EIF4G3: variants seen among roughly 807,000 people sequenced by gnomAD.
EIF4G3 encodes eukaryotic translation initiation factor 4 gamma 3.
EIF4G3 carries 34 observed loss-of-function variants against 186.4 expected under a neutral mutation model. That is an observed-to-expected ratio of 0.18 (90% CI 0.14 to 0.24). EIF4G3 has a LOEUF of 0.24. Ranked by LOEUF, EIF4G3 falls within the 10% of genes least tolerant of loss-of-function variation. The pLI, the probability that EIF4G3 is intolerant of heterozygous loss-of-function variation, is 1.00. For synonymous variants in EIF4G3, 673 were observed against 679.5 expected, an observed-to-expected ratio of 0.99 and a Z score of 0.15; for missense variants, 1,536 against 1,948.5, an observed-to-expected ratio of 0.79 and a Z score of 3.99.
At position 20,851,472 on chromosome 1, in the gene EIF4G3, T is replaced by C; in HGVS notation, c.3558A>G (p.Gly1186=). 6.2e-7 allele frequency: 1 copy of C among 1,614,052 alleles called. No homozygotes were observed. Among genetic ancestry groups the C allele is most frequent in the African/African-American group, 1.3e-5 (1 of 75,010 alleles). ...FDSRRTLTSR[G]SMGREKNDKP... ...TGTCATTCTTCTCCCTGCCCATACT[T>C]CCACGACTTAAAAGACAAAACAACA... Residue 1186 remains glycine (G), a synonymous_variant, in exon 28 of 37, where the codon GGA becomes GGG. Transcript: ENST00000602326.
At chr1:20,946,910 T>C (rs540986409) in intron 13 of EIF4G3, among the ~76,000 whole-genome samples, 2 of 152,062 alleles carry the variant, frequency 1.3e-5, no homozygotes, top group South Asian at 4.1e-4. Context: ...GTACAAACTC[T>C]CAGTAAAGAC....
chr1:21,079,777 G>A (rs575679610), intron 3 of EIF4G3, among the ~76,000 whole-genome samples: 10 of 149,022 alleles, frequency 6.7e-5, no homozygotes, highest in South Asian at 4.3e-4. Flanking sequence ...AGGCTGAGGC[G>A]GGAGAATTGC....
At chr1:20,827,515 T>C in intron 32 of EIF4G3, 102 bp downstream of exon 32, 1 of 550,882 alleles carries the variant, frequency 1.8e-6, no homozygotes, top group Non-Finnish European at 3.1e-6. Flanking sequence ...CATTCTTAAT[T>C]ACTTGCACCC....
chr1:20,983,778 A>G (rs945330423), intron 7 of EIF4G3, among the ~76,000 whole-genome samples: 6 of 152,248 alleles, frequency 3.9e-5, no homozygotes, highest in African/African-American at 1.4e-4. Context: ...TTATGGTAAC[A>G]CTATCATCAA....
chr1:21,072,089 T>A (rs2095459606), intron 3 of EIF4G3, among the ~76,000 whole-genome samples: 1 of 152,250 alleles, frequency 6.6e-6, no homozygotes, highest in East Asian at 1.9e-4. Context: ...ATAATTATAC[T>A]ACAAGTCTTT....
intron 13 of EIF4G3, among the ~76,000 whole-genome samples, chr1:20,948,970 CAA>C (rs34585901): frequency 5.8e-5 from 3 of 51,526 alleles, no homozygotes; most frequent in Non-Finnish European, 8.2e-5. Context: ...GACTCTGTCT[CAA>C]AAAAAAAAAA....
At chr1:21,087,637 AAT>A (rs1491148556) in intron 3 of EIF4G3, among the ~76,000 whole-genome samples, 12 of 151,172 alleles carry the variant, frequency 7.9e-5, no homozygotes, top group Non-Finnish European at 1.2e-4. Context: ...TACCAAAAAA[AAT>A]TTTTTTTTTT....
chr1:20,937,456 C>T (rs1217315006), intron 14 of EIF4G3, among the ~76,000 whole-genome samples: 1 of 152,158 alleles, frequency 6.6e-6, no homozygotes. Flanking sequence ...TTTAGAATAA[C>T]TTGCCATCAA....
chr1:21,054,310 G>C (rs1286772887), intron 3 of EIF4G3, among the ~76,000 whole-genome samples: 1 of 138,850 alleles, frequency 7.2e-6, no homozygotes, highest in Non-Finnish European at 1.6e-5. Context: ...CTAATCTCAA[G>C]TACCCAGGGA....
intron 10 of EIF4G3, among the ~76,000 whole-genome samples, chr1:20,977,152 A>G (rs1233989510): frequency 6.6e-6 from 1 of 151,882 alleles, no homozygotes; most frequent in Non-Finnish European, 1.5e-5. Flanking sequence ...AAGGGAGAGA[A>G]ACTGGCTATT....
intron 2 of EIF4G3, among the ~76,000 whole-genome samples, chr1:21,123,890 C>T (rs1479344522): frequency 1.3e-5 from 2 of 152,178 alleles, no homozygotes; most frequent in Non-Finnish European, 2.9e-5. Context: ...ATGGTACACA[C>T]AGCCTTCTGA....
chr1:21,139,768 A>T (rs2097307260), intron 2 of EIF4G3, among the ~76,000 whole-genome samples: 1 of 152,290 alleles, frequency 6.6e-6, no homozygotes, highest in Admixed American at 6.5e-5. Flanking sequence ...AGCCACGATC[A>T]TCACAAAAGA....
At chr1:21,003,110 C>T (rs1235697043) in intron 4 of EIF4G3, among the ~76,000 whole-genome samples, 2 of 151,176 alleles carry the variant, frequency 1.3e-5, no homozygotes, top group South Asian at 2.1e-4. Context: ...GATCCTCCCA[C>T]CTCAGCCTCT....
chr1:21,049,022 T>C (rs1431434176), intron 4 of EIF4G3, among the ~76,000 whole-genome samples: 1 of 152,196 alleles, frequency 6.6e-6, no homozygotes, highest in Non-Finnish European at 1.5e-5. Context: ...GGATGGGCAG[T>C]GCAAGCTGCT....
chr1:20,902,562 A>G (rs1454056465), intron 15 of EIF4G3, among the ~76,000 whole-genome samples: 1 of 152,238 alleles, frequency 6.6e-6, no homozygotes, highest in African/African-American at 2.4e-5. Flanking sequence ...TAGGAAAGAC[A>G]GAAAAAAGGA....
At chr1:21,025,094 AT>A (rs1164113713) in intron 4 of EIF4G3, among the ~76,000 whole-genome samples, 1 of 152,150 alleles carries the variant, frequency 6.6e-6, no homozygotes, top group Non-Finnish European at 1.5e-5. Flanking sequence ...AACAAGGAAT[AT>A]TTTAAACAGA....
chr1:21,141,681 C>A (rs1229861293), intron 2 of EIF4G3, among the ~76,000 whole-genome samples: 3 of 152,074 alleles, frequency 2.0e-5, no homozygotes, highest in Non-Finnish European at 2.9e-5. Context: ...GTTATCCCAA[C>A]ACTTTGGGAA....
At chr1:20,870,021 C>A (rs984450431) in intron 20 of EIF4G3, among the ~76,000 whole-genome samples, 3 of 152,056 alleles carry the variant, frequency 2.0e-5, no homozygotes, top group African/African-American at 4.8e-5. Flanking sequence ...AGGATATGCA[C>A]AAGATTCAAA....
At chr1:20,934,206 C>T (rs1401572075) in intron 14 of EIF4G3, among the ~76,000 whole-genome samples, 1 of 152,042 alleles carries the variant, frequency 6.6e-6, no homozygotes, top group African/African-American at 2.4e-5. Flanking sequence ...TACTGATGAC[C>T]CTGCTGAGGA....
Sources: allele counts gnomAD v4.1 joint callset (sites outside exome capture counted in the v4.1 genomes callset), GRCh38; gene constraint gnomAD v4.1.1; transcripts MANE v1.5; gene names NCBI Gene and HGNC (gene_info 2026-07-23, HGNC 2026-07-21).